SEMA3E: variants seen among roughly 807,000 people sequenced by gnomAD.
The protein encoded by SEMA3E is semaphorin-3E.
Under a neutral mutation model 93.6 loss-of-function variants are expected in SEMA3E, and 49 were observed. The ratio of observed to expected loss-of-function variants is 0.52; its 90% confidence interval spans 0.42 to 0.66. The LOEUF (loss-of-function observed/expected upper bound fraction) is 0.66. Ranked by LOEUF, SEMA3E falls within the 30% of genes least tolerant of loss-of-function variation. The pLI is 0.00. For missense variants in SEMA3E, 906 were observed against 964.8 expected, an observed-to-expected ratio of 0.94 and a Z score of 0.81; for synonymous variants, 363 against 330.7, an observed-to-expected ratio of 1.10 and a Z score of -1.06.
intron 1 of SEMA3E, among the ~76,000 whole-genome samples, chr7:83,500,376 C>A (rs555745307): frequency 7.2e-5 from 11 of 151,842 alleles, no homozygotes; most frequent in African/African-American, 2.7e-4. Context: ...GTGGAGGTTG[C>A]AGTGAGCTGA....
chr7:83,556,542 A>G (rs1176828302), intron 1 of SEMA3E, among the ~76,000 whole-genome samples: 1 of 152,206 alleles, frequency 6.6e-6, no homozygotes, highest in Non-Finnish European at 1.5e-5. Context: ...CAAGTTGTCA[A>G]TTTTAATGAC....
chr7:83,520,358 G>A (rs181151329), intron 1 of SEMA3E, among the ~76,000 whole-genome samples: 2 of 152,174 alleles, frequency 1.3e-5, no homozygotes, highest in East Asian at 3.9e-4. Context: ...AAGTACCTTG[G>A]AGAGAAAGAC....
intron 2 of SEMA3E, among the ~76,000 whole-genome samples, chr7:83,476,240 G>A (rs2115920511): frequency 6.6e-6 from 1 of 152,278 alleles, no homozygotes; most frequent in Non-Finnish European, 1.5e-5. Context: ...TTACAGTAAA[G>A]TTTGAGAAAT....
At chr7:83,556,361 T>C (rs1043609593) in intron 1 of SEMA3E, among the ~76,000 whole-genome samples, 2 of 152,206 alleles carry the variant, frequency 1.3e-5, no homozygotes, top group Non-Finnish European at 2.9e-5. Flanking sequence ...CTGCTAGTAT[T>C]AGTCATTCAT....
chr7:83,509,467 G>A (rs572033957), intron 1 of SEMA3E, among the ~76,000 whole-genome samples: 15 of 152,268 alleles, frequency 9.9e-5, no homozygotes, highest in Non-Finnish European at 1.5e-4. Flanking sequence ...TGTGACATAT[G>A]AGGGTATGTC....
intron 5 of SEMA3E, among the ~76,000 whole-genome samples, chr7:83,414,272 T>A (rs1009880866): frequency 6.6e-6 from 1 of 152,140 alleles, no homozygotes; most frequent in African/African-American, 2.4e-5. Context: ...ATTTTTCTAA[T>A]AAATGACCTT....
chr7:83,556,188 A>C (rs1201446224), intron 1 of SEMA3E, among the ~76,000 whole-genome samples: 1 of 152,150 alleles, frequency 6.6e-6, no homozygotes, highest in Non-Finnish European at 1.5e-5. Context: ...TAAAAAGGAC[A>C]TTCTCCCTCC....
chr7:83,418,412 G>A lies in SEMA3E; in HGVS notation c.528C>T (p.Ser176=), dbSNP rs775560337. ...TACCAATTAAAGTGGAGATGAAGGAGGAGCTGGGGTCAAAAGGACATCTGC... is the reference window on the plus strand; with the variant it reads ...TACCAATTAAAGTGGAGATGAAGGAAGAGCTGGGGTCAAAAGGACATCTGC... ...GRGRCPFDPS[S]SFISTLIGSE... is the part of the protein sequence containing the mutation. The change falls in exon 5 of 17, where the codon TCC becomes TCT. Residue 176 remains serine, a synonymous_variant. Transcript: ENST00000643230. The A allele has an allele frequency of 1.2e-6, 2 of 1,611,444 alleles. No homozygotes were observed. The highest frequency in any genetic ancestry group is 2.2e-5 in the East Asian group (1 of 44,832).
At chr7:83,569,070 T>G (rs2115861247) in intron 1 of SEMA3E, among the ~76,000 whole-genome samples, 1 of 151,950 alleles carries the variant, frequency 6.6e-6, no homozygotes, top group Non-Finnish European at 1.5e-5. Flanking sequence ...ATTAAAGTAG[T>G]AGCATTTCTA....
intron 4 of SEMA3E, among the ~76,000 whole-genome samples, chr7:83,461,124 A>G (rs1418702853): frequency 6.6e-6 from 1 of 152,154 alleles, no homozygotes; most frequent in East Asian, 1.9e-4. Flanking sequence ...CCAGATCTAA[A>G]TAATTCTTGT....
At chr7:83,472,174 T>TTA (rs1444121706) in intron 2 of SEMA3E, among the ~76,000 whole-genome samples, 1 of 152,262 alleles carries the variant, frequency 6.6e-6, no homozygotes, top group African/African-American at 2.4e-5. Context: ...AACAGAAGAA[T>TTA]TACTGCTCTC....
intron 3 of SEMA3E, among the ~76,000 whole-genome samples, chr7:83,467,897 T>TA (rs1255813213): frequency 5.2e-5 from 5 of 96,258 alleles, no homozygotes; most frequent in Admixed American, 2.7e-4. Context: ...ATACTGAATT[T>TA]AAAAAAATAG....
chr7:83,553,194 G>T (rs1449549524), intron 1 of SEMA3E, among the ~76,000 whole-genome samples: 1 of 152,080 alleles, frequency 6.6e-6, no homozygotes, highest in African/African-American at 2.4e-5. Context: ...TTATTTCTCG[G>T]CCAGCCGACA....
chr7:83,388,871 T>C (rs950608955), intron 14 of SEMA3E, among the ~76,000 whole-genome samples: 6 of 151,666 alleles, frequency 4.0e-5, no homozygotes, highest in African/African-American at 1.5e-4. Flanking sequence ...TAGAATGCTA[T>C]TTCAAGAGAT....
chr7:83,623,943 C>T (rs1168321017), intron 1 of SEMA3E, among the ~76,000 whole-genome samples: 1 of 134,830 alleles, frequency 7.4e-6, no homozygotes, highest in Non-Finnish European at 1.5e-5. Context: ...TCTCATTGTT[C>T]AACTCCCACT....
chr7:83,377,211 ATTTTAG>A (rs1787663690), intron 16 of SEMA3E, among the ~76,000 whole-genome samples: 1 of 152,042 alleles, frequency 6.6e-6, no homozygotes, highest in Non-Finnish European at 1.5e-5. Flanking sequence ...TTGCAATGAA[ATTTTAG>A]TTTTAGTTTC....
At chr7:83,410,742 A>G (rs917562258) in intron 5 of SEMA3E, among the ~76,000 whole-genome samples, 2 of 152,094 alleles carry the variant, frequency 1.3e-5, no homozygotes, top group Non-Finnish European at 2.9e-5. Context: ...CATCAACTCT[A>G]TGGCATAAAC....
intron 1 of SEMA3E, among the ~76,000 whole-genome samples, chr7:83,645,646 A>C (rs1794068961): frequency 1.3e-5 from 2 of 151,734 alleles, no homozygotes; most frequent in Admixed American, 6.6e-5. Context: ...ATATTACCCC[A>C]TTGGGGCACA....
intron 1 of SEMA3E, among the ~76,000 whole-genome samples, chr7:83,493,439 T>C (rs1418623092): frequency 1.3e-5 from 2 of 151,964 alleles, no homozygotes; most frequent in Non-Finnish European, 1.5e-5. Context: ...TGCCAAAATA[T>C]GTCTGGATAC....
Sources: gnomAD v4.1 joint callset for allele counts (sites outside exome capture counted in the v4.1 genomes callset) on GRCh38, gnomAD v4.1.1 for gene constraint, MANE v1.5 for transcripts, NCBI Gene and HGNC (gene_info 2026-07-23, HGNC 2026-07-21) for gene names.